The following TTC6 variants were observed in gnomAD, a reference collection of about 807,000 sequenced individuals.
The protein encoded by TTC6 is tetratricopeptide repeat domain 6, also known as tetratricopeptide repeat protein 6.
Under a neutral mutation model 210.4 loss-of-function variants are expected in TTC6, and 172 were observed. That is an observed-to-expected ratio of 0.82 (90% CI 0.72 to 0.93). The LOEUF is 0.93. Ranked by LOEUF, TTC6 falls within the 40% of genes least tolerant of loss-of-function variation. The pLI is 0.00. For missense variants in TTC6, 2,414 were observed against 2,318.1 expected (o/e 1.04, Z -0.85); for synonymous variants, 804 against 819.6 (o/e 0.98, Z 0.32).
intron 14 of TTC6, among the ~76,000 whole-genome samples, chr14:37,755,980 C>T (rs1177951509): frequency 2.6e-5 from 4 of 152,062 alleles, no homozygotes; most frequent in Non-Finnish European, 4.4e-5. Context: ...TCTTCCTATC[C>T]GTGAGCATGG....
intron 1 of TTC6, among the ~76,000 whole-genome samples, chr14:37,663,487 A>AT (rs948178889): frequency 6.6e-6 from 1 of 152,088 alleles, no homozygotes; most frequent in Non-Finnish European, 1.5e-5. Context: ...GCACAGTTAC[A>AT]TTTTTTTAAA....
chr14:37,798,913 C>T (rs2096099102), intron 20 of TTC6, among the ~76,000 whole-genome samples: 2 of 151,994 alleles, frequency 1.3e-5, no homozygotes, highest in Admixed American at 1.3e-4. Context: ...TTAGACCAAC[C>T]ATGCATTCCT....
At chr14:37,687,851 G>A (rs546906057) in intron 3 of TTC6, among the ~76,000 whole-genome samples, 16 of 152,252 alleles carry the variant, frequency 1.1e-4, no homozygotes, top group African/African-American at 3.6e-4. Flanking sequence ...GGTCTCAGGC[G>A]AGACTCGGCA....
At chr14:37,801,424 C>T (rs1379544584) in intron 20 of TTC6, among the ~76,000 whole-genome samples, 1 of 152,162 alleles carries the variant, frequency 6.6e-6, no homozygotes, top group Non-Finnish European at 1.5e-5. Context: ...TAGACACACT[C>T]TAAGATTATT....
rs749579126 is a variant in TTC6, at chr14:37,841,508, C to T, written c.5362C>T (p.Arg1788Ter). Residue 1788 changes from arginine (R) to a stop codon, truncating the protein, a stop_gained, in exon 30 of 31, where the codon CGA becomes TGA. Coordinates refer to ENST00000553443, the Ensembl canonical transcript of TTC6. LOFTEE classifies it high-confidence loss of function. ...AGAAAATGAATATGTTCTCATGAAT[C>T]GAGCTATTACAAATACAATATTAAA... is the stretch of plus-strand genomic sequence containing the variant. 2.0e-5 allele frequency: 32 copies of T among 1,597,348 alleles called. No individual in the cohort carries two copies. Among genetic ancestry groups the T allele is most frequent in the Admixed American group, 3.6e-5 (2 of 55,096 alleles).
At chr14:37,703,433 T>C (rs2095829349) in intron 5 of TTC6, among the ~76,000 whole-genome samples, 1 of 152,128 alleles carries the variant, frequency 6.6e-6, no homozygotes, top group African/African-American at 2.4e-5. Flanking sequence ...TTGCTAAACA[T>C]AGCTTAACCT....
intron 20 of TTC6, among the ~76,000 whole-genome samples, chr14:37,799,459 C>T (rs1290820009): frequency 6.6e-6 from 1 of 152,072 alleles, no homozygotes. Flanking sequence ...GTGATGGACA[C>T]ATGATAAGGT....
intron 1 of TTC6, among the ~76,000 whole-genome samples, chr14:37,630,116 T>C (rs956310211): frequency 6.6e-6 from 1 of 152,216 alleles, no homozygotes; most frequent in Non-Finnish European, 1.5e-5. Flanking sequence ...TCTTGTCTTC[T>C]GCTAGCTTTT....
chr14:37,812,794 C>T (rs535343705), intron 25 of TTC6, among the ~76,000 whole-genome samples: 1 of 152,134 alleles, frequency 6.6e-6, no homozygotes, highest in South Asian at 2.1e-4. Flanking sequence ...TTTCCCTTTG[C>T]AAATATAGCA....
At chr14:37,711,133 C>G (rs1302664962) in intron 5 of TTC6, among the ~76,000 whole-genome samples, 1 of 152,142 alleles carries the variant, frequency 6.6e-6, no homozygotes, top group African/African-American at 2.4e-5. Flanking sequence ...CCCAGCATCT[C>G]CTGCCTTACC....
chr14:37,811,614 A>G (rs1240176955), intron 24 of TTC6, among the ~76,000 whole-genome samples: 1 of 152,212 alleles, frequency 6.6e-6, no homozygotes, highest in Non-Finnish European at 1.5e-5. Flanking sequence ...AGTACCTGGT[A>G]CAGAGTAGAA....
At chr14:37,611,293 G>C (rs1289201992) in intron 2 of TTC6, 1 of 152,268 alleles carries the variant, frequency 6.6e-6, no homozygotes, top group Admixed American at 6.5e-5. Flanking sequence ...AGGCCTGTTG[G>C]ACACTCGCCG....
intron 8 of TTC6, among the ~76,000 whole-genome samples, chr14:37,736,255 G>T (rs1479301022): frequency 1.3e-5 from 2 of 152,054 alleles, no homozygotes; most frequent in Non-Finnish European, 2.9e-5. Flanking sequence ...GGATGTGGTG[G>T]CACGTGCCTG....
At chr14:37,637,627 C>T (rs767517574) in intron 1 of TTC6, among the ~76,000 whole-genome samples, 5 of 151,590 alleles carry the variant, frequency 3.3e-5, no homozygotes, top group South Asian at 2.1e-4. Context: ...AGAGTGAGAC[C>T]GGGTCCTGAG....
At chr14:37,670,685 G>A (rs1183303759) in intron 1 of TTC6, among the ~76,000 whole-genome samples, 1 of 151,654 alleles carries the variant, frequency 6.6e-6, no homozygotes, top group Admixed American at 6.6e-5. Flanking sequence ...TGGCCAGGCT[G>A]GTCTGGAACC....
chr14:37,725,310 G>GTA (rs1191022370), intron 7 of TTC6, among the ~76,000 whole-genome samples: 81 of 55,662 alleles, frequency 1.5e-3, no homozygotes, highest in East Asian at 2.8e-3. Flanking sequence ...GTGTGTGTGT[G>GTA]TGTATATATA....
chr14:37,647,050 C>T (rs177857), intron 1 of TTC6, among the ~76,000 whole-genome samples: 31,183 of 152,152 alleles, frequency 0.2, 3,435 homozygotes, highest in South Asian at 0.26. Context: ...ATGCCAATAG[C>T]ACTTTCTCAT....
chr14:37,757,235 T>G (rs775098576), intron 14 of TTC6, among the ~76,000 whole-genome samples: 1 of 151,930 alleles, frequency 6.6e-6, no homozygotes, highest in African/African-American at 2.4e-5. Context: ...TTCTTCTCTT[T>G]TCTTCTTTAT....
intron 24 of TTC6, among the ~76,000 whole-genome samples, chr14:37,811,352 A>G (rs189130670): frequency 8.1e-4 from 123 of 152,294 alleles, no homozygotes; most frequent in African/African-American, 2.7e-3. Flanking sequence ...ATTTTTAATT[A>G]TGCCACAACA....
Sources: allele counts gnomAD v4.1 joint callset (sites outside exome capture counted in the v4.1 genomes callset), GRCh38; gene constraint gnomAD v4.1.1; transcripts MANE v1.5; gene names NCBI Gene and HGNC (gene_info 2026-07-23, HGNC 2026-07-21).